The following CEMIP variants were observed in gnomAD, a reference collection of about 807,000 sequenced individuals.
The protein encoded by CEMIP is cell migration-inducing and hyaluronan-binding protein.
In CEMIP, 105 loss-of-function variants were observed where a neutral mutation model predicts 156.9. The observed-to-expected ratio is 0.67, with a 90% confidence interval of 0.57 to 0.79. The LOEUF is 0.79. CEMIP is among the 30% of genes least tolerant of loss of function. CEMIP has a pLI of 0.00. For missense variants in CEMIP, 1,457 were observed against 1,769.4 expected (o/e 0.82, Z 3.17); for synonymous variants, 676 against 668.4 (o/e 1.01, Z -0.17).
chr15:80,797,121 T>C (rs993465508), intron 1 of CEMIP, among the ~76,000 whole-genome samples: 1 of 152,190 alleles, frequency 6.6e-6, no homozygotes, highest in Non-Finnish European at 1.5e-5. Flanking sequence ...TGACACTTCA[T>C]GGCACCAGTT....
chr15:80,841,358 T>C (rs1897411783), intron 1 of CEMIP, among the ~76,000 whole-genome samples: 1 of 152,064 alleles, frequency 6.6e-6, no homozygotes, highest in Non-Finnish European at 1.5e-5. Flanking sequence ...ATGACAGTGA[T>C]GGGTTGGGGG....
chr15:80,916,921 C>T (rs1298825940), intron 14 of CEMIP, among the ~76,000 whole-genome samples: 1 of 152,162 alleles, frequency 6.6e-6, no homozygotes, highest in African/African-American at 2.4e-5. Flanking sequence ...CTTTTTCTTT[C>T]TGGCATTGTT....
chr15:80,809,004 G>A (rs1227332838), intron 1 of CEMIP, among the ~76,000 whole-genome samples: 3 of 152,194 alleles, frequency 2.0e-5, no homozygotes, highest in Non-Finnish European at 2.9e-5. Context: ...GAAGAAACAA[G>A]AGTAAGTTAT....
intron 13 of CEMIP, among the ~76,000 whole-genome samples, chr15:80,907,206 G>A (rs1474861950): frequency 6.6e-6 from 1 of 152,186 alleles, no homozygotes; most frequent in Non-Finnish European, 1.5e-5. Flanking sequence ...CTTGCAAAAG[G>A]TCACATTTAC....
chr15:80,852,305 T>C (rs1461304173), intron 1 of CEMIP, among the ~76,000 whole-genome samples: 1 of 152,192 alleles, frequency 6.6e-6, no homozygotes, highest in Non-Finnish European at 1.5e-5. Context: ...GATAGCCTGA[T>C]ACCTGGCACA....
intron 1 of CEMIP, among the ~76,000 whole-genome samples, chr15:80,804,548 T>C (rs951401179): frequency 6.6e-6 from 1 of 152,234 alleles, no homozygotes; most frequent in Non-Finnish European, 1.5e-5. Context: ...GGACTGGCTC[T>C]AGGCTCTTGT....
chr15:80,820,488 C>G (rs1404522382), intron 1 of CEMIP, among the ~76,000 whole-genome samples: 6 of 152,166 alleles, frequency 3.9e-5, no homozygotes, highest in Non-Finnish European at 8.8e-5. Flanking sequence ...CCAACCTGAA[C>G]CACAGTCAGG....
At chr15:80,792,248 T>C (rs1232227043) in intron 1 of CEMIP, among the ~76,000 whole-genome samples, 1 of 152,184 alleles carries the variant, frequency 6.6e-6, no homozygotes, top group Non-Finnish European at 1.5e-5. Context: ...AATAATGAAG[T>C]ATTCCAGGAA....
chr15:80,927,995 G>C (rs1900758264), intron 19 of CEMIP, among the ~76,000 whole-genome samples: 1 of 152,180 alleles, frequency 6.6e-6, no homozygotes, highest in Non-Finnish European at 1.5e-5. Context: ...ACCAGGACCA[G>C]CCTGGTGCAG....
intron 12 of CEMIP, among the ~76,000 whole-genome samples, chr15:80,899,070 G>A (rs1262440612): frequency 4.6e-5 from 7 of 152,148 alleles, no homozygotes; most frequent in Middle Eastern, 3.4e-3. Flanking sequence ...AAAATTAGCC[G>A]GGTGTAGTGG....
intron 1 of CEMIP, among the ~76,000 whole-genome samples, chr15:80,786,556 C>CTCTGTG (rs374596528): frequency 1.4e-5 from 2 of 140,628 alleles, no homozygotes; most frequent in South Asian, 2.4e-4. Context: ...GGATGTCTTG[C>CTCTGTG]TGTGTGTGTG....
Position 80,873,578 on chromosome 15 carries a change from A to G in CEMIP, c.-135A>G. ...TGGAGGGGAAGGAGTTTTGAGTGCC[A>G]AGGATGAAATTCCACCCATCACTCG... On this transcript the variant is annotated 5_prime_UTR_variant, in exon 2 of 30. Transcript: ENST00000394685. 2.4e-6 allele frequency: 1 copy of G among 413,534 alleles called. No homozygotes were observed. The highest frequency in any genetic ancestry group is 2.4e-5 in the South Asian group (1 of 41,384). The allele number at this position is 413,534 out of a possible 1,614,324, so 25.6% of individuals were successfully genotyped here. A position where few individuals can be genotyped will look rare whatever the true frequency, so the allele number is the denominator to read the frequency against.
intron 28 of CEMIP, among the ~76,000 whole-genome samples, chr15:80,944,968 G>C (rs1901486668): frequency 6.6e-6 from 1 of 152,174 alleles, no homozygotes; most frequent in Admixed American, 6.5e-5. Flanking sequence ...GGTACCACTA[G>C]ACCCCTCTCT....
chr15:80,873,603 G>A lies in CEMIP; in HGVS notation c.-110G>A, dbSNP rs763165749. The stretch of plus-strand genomic sequence containing the variant: ...AAGGATGAAATTCCACCCATCACTC[G>A]GTCTCTGAGCTGCAGGACACAGGCA... On this transcript the variant is annotated 5_prime_UTR_variant, in exon 2 of 30. Transcript: ENST00000394685. 2.2e-6 allele frequency: 1 copy of A among 451,990 alleles called. No homozygotes were observed. The highest frequency in any genetic ancestry group is 4.1e-6 in the Non-Finnish European group (1 of 244,918). The allele number at this position is 451,990 out of a possible 1,614,324, so 28.0% of individuals were successfully genotyped here. A position where few individuals can be genotyped will look rare whatever the true frequency, so the allele number is the denominator to read the frequency against.
chr15:80,785,556 G>A (rs1895913593), intron 1 of CEMIP, among the ~76,000 whole-genome samples: 2 of 152,226 alleles, frequency 1.3e-5, no homozygotes, highest in Non-Finnish European at 1.5e-5. Context: ...CTCTCGAAGA[G>A]CTGGCAGCCT....
intron 14 of CEMIP, among the ~76,000 whole-genome samples, chr15:80,914,353 C>A (rs1243146802): frequency 2.0e-5 from 3 of 152,214 alleles, no homozygotes; most frequent in Non-Finnish European, 2.9e-5. Flanking sequence ...TTCTTTTCCT[C>A]CTCGTGTATT....
At chr15:80,805,641 A>T (rs1481260556) in intron 1 of CEMIP, among the ~76,000 whole-genome samples, 2 of 152,234 alleles carry the variant, frequency 1.3e-5, no homozygotes, top group Non-Finnish European at 2.9e-5. Context: ...ATATACAAAC[A>T]TAAAACTAGG....
At position 80,818,580 on chromosome 15, in the gene CEMIP, A is replaced by G. The variant is rs374657965; in HGVS notation, c.-176+38966A>G. ...TCCTGAACTCTAAGCTGCAGGGAGC[A>G]TTACTGATGTCAGAATAGCTCATCA... On this transcript the variant is annotated intron_variant, in intron 1 of 29. Transcript: ENST00000394685. Among the ~76,000 whole-genome samples, 86 of 152,348 alleles carry G rather than the reference A, an allele frequency of 5.6e-4. No individual in the cohort carries two copies. In the Middle Eastern group the frequency reaches 0.01, roughly 18 times the overall value.
chr15:80,845,256 C>G (rs996535073), intron 1 of CEMIP, among the ~76,000 whole-genome samples: 7 of 152,038 alleles, frequency 4.6e-5, no homozygotes, highest in African/African-American at 1.7e-4. Flanking sequence ...CATAGCTAGA[C>G]CCTGTCTTCA....
Sources: gnomAD v4.1 joint callset for allele counts (sites outside exome capture counted in the v4.1 genomes callset) on GRCh38, gnomAD v4.1.1 for gene constraint, MANE v1.5 for transcripts, NCBI Gene and HGNC (gene_info 2026-07-23, HGNC 2026-07-21) for gene names.